The following STX18 variants were observed in gnomAD, a reference collection of about 807,000 sequenced individuals.
STX18 encodes the protein syntaxin 18.
A neutral mutation model predicts 50.1 loss-of-function variants in STX18; 40 were observed. That is an observed-to-expected ratio of 0.80 (90% CI 0.62 to 1.04). STX18 has a LOEUF of 1.04. STX18 is among the 50% of genes least tolerant of loss of function. The probability of loss-of-function intolerance (pLI) is 0.00; values close to 1 mark genes in which losing one functional copy is unlikely to be tolerated. For missense variants in STX18, 410 were observed against 415.8 expected (o/e 0.99, Z 0.12); for synonymous variants, 158 against 151.8 (o/e 1.04, Z -0.30).
chr4:4,532,953 A>G (rs1281195207), intron 1 of STX18, among the ~76,000 whole-genome samples: 1 of 152,162 alleles, frequency 6.6e-6, no homozygotes, highest in East Asian at 1.9e-4. Context: ...TCTCTTGGTT[A>G]AATACAGCTT....
At chr4:4,508,582 T>C (rs1729846714) in intron 1 of STX18, among the ~76,000 whole-genome samples, 3 of 152,238 alleles carry the variant, frequency 2.0e-5, no homozygotes, top group Admixed American at 2.0e-4. Context: ...CTGGGGTACA[T>C]GCGCAGGATG....
chr4:4,473,979 C>A (rs1728052703), intron 1 of STX18, among the ~76,000 whole-genome samples: 1 of 152,144 alleles, frequency 6.6e-6, no homozygotes, highest in African/African-American at 2.4e-5. Flanking sequence ...AGGCCCTTCA[C>A]AACTCAGCGC....
intron 1 of STX18, among the ~76,000 whole-genome samples, chr4:4,483,262 A>G (rs1308963417): frequency 1.3e-5 from 2 of 152,218 alleles, no homozygotes; most frequent in East Asian, 3.8e-4. Flanking sequence ...ATTAAAAAAA[A>G]CAAAAACCTA....
At chr4:4,432,131 A>C (rs1257481491) in intron 7 of STX18, among the ~76,000 whole-genome samples, 2 of 152,276 alleles carry the variant, frequency 1.3e-5, no homozygotes, top group Non-Finnish European at 2.9e-5. Context: ...AGCTCTGCTT[A>C]GTATTCCAAA....
At chr4:4,493,056 G>C (rs952664340) in intron 1 of STX18, among the ~76,000 whole-genome samples, 2 of 152,094 alleles carry the variant, frequency 1.3e-5, no homozygotes, top group African/African-American at 4.8e-5. Context: ...AAAAGATATT[G>C]CTGATCATGT....
At chr4:4,503,795 T>C (rs1242641714) in intron 1 of STX18, among the ~76,000 whole-genome samples, 1 of 152,194 alleles carries the variant, frequency 6.6e-6, no homozygotes, top group Non-Finnish European at 1.5e-5. Flanking sequence ...GAATGTTTTT[T>C]TCAACAAATG....
chr4:4,515,756 G>A (rs139818311), intron 1 of STX18, among the ~76,000 whole-genome samples: 1 of 151,970 alleles, frequency 6.6e-6, no homozygotes, highest in African/African-American at 2.4e-5. Context: ...TTTTTTCCTA[G>A]CACATAAAAA....
chr4:4,433,085 G>A (rs896916477), intron 7 of STX18, among the ~76,000 whole-genome samples: 1 of 152,236 alleles, frequency 6.6e-6, no homozygotes, highest in African/African-American at 2.4e-5. Context: ...GGTTGGCTCT[G>A]CTGCTCTACT....
chr4:4,541,760 C>T (rs764740916), intron 1 of STX18, 37 bp downstream of exon 1: 5 of 1,581,864 alleles, frequency 3.2e-6, no homozygotes, highest in Non-Finnish European at 4.3e-6. Flanking sequence ...AGGACTGCCC[C>T]CTCCTCAACC....
intron 1 of STX18, among the ~76,000 whole-genome samples, chr4:4,510,696 A>T (rs1729958277): frequency 6.6e-6 from 1 of 152,228 alleles, no homozygotes; most frequent in Non-Finnish European, 1.5e-5. Flanking sequence ...ATAAAGACAC[A>T]TGCACATGTA....
intron 1 of STX18, among the ~76,000 whole-genome samples, chr4:4,491,586 T>C (rs748719284): frequency 7.2e-5 from 11 of 152,100 alleles, no homozygotes; most frequent in Non-Finnish European, 1.2e-4. Flanking sequence ...TTTGGGTAAG[T>C]AAGACACTGG....
intron 1 of STX18, among the ~76,000 whole-genome samples, chr4:4,489,309 C>T (rs1347081466): frequency 6.7e-6 from 1 of 150,214 alleles, no homozygotes; most frequent in Non-Finnish European, 1.5e-5. Context: ...TTCCTTTTTC[C>T]TATAATGAGG....
chr4:4,467,772 G>A (rs1288334527), intron 2 of STX18, among the ~76,000 whole-genome samples: 1 of 152,000 alleles, frequency 6.6e-6, no homozygotes, highest in Non-Finnish European at 1.5e-5. Flanking sequence ...TAGCTAGGGA[G>A]GTAGATAGAA....
chr4:4,531,746 C>T (rs938415195), intron 1 of STX18, among the ~76,000 whole-genome samples: 3 of 152,180 alleles, frequency 2.0e-5, no homozygotes, highest in African/African-American at 7.2e-5. Flanking sequence ...CTATACTCAT[C>T]CAGAACTGGT....
intron 9 of STX18, among the ~76,000 whole-genome samples, chr4:4,422,513 G>C (rs1195508435): frequency 6.7e-6 from 1 of 149,466 alleles, no homozygotes; most frequent in African/African-American, 2.5e-5. Context: ...AGGTTGCAGT[G>C]AGCCAAGATA....
At chr4:4,534,969 ACTCTGACC>A (rs1392690000) in intron 1 of STX18, among the ~76,000 whole-genome samples, 1 of 151,996 alleles carries the variant, frequency 6.6e-6, no homozygotes, top group Admixed American at 6.6e-5. Context: ...ACCCCCTGAC[ACTCTGACC>A]CTCACCCGGG....
intron 1 of STX18, among the ~76,000 whole-genome samples, chr4:4,526,697 T>C (rs985672401): frequency 1.3e-5 from 2 of 152,104 alleles, no homozygotes; most frequent in African/African-American, 4.8e-5. Flanking sequence ...AAGCCAGGCA[T>C]GGTGGTGTAC....
intron 5 of STX18, among the ~76,000 whole-genome samples, chr4:4,449,042 CTTTT>C (rs34106688): frequency 2.3e-4 from 25 of 110,170 alleles, no homozygotes; most frequent in Admixed American, 8.5e-4. Flanking sequence ...GGACCCCATT[CTTTT>C]TTTTTTTTTT....
At chr4:4,435,275 C>A (rs1175751871) in intron 6 of STX18, among the ~76,000 whole-genome samples, 1 of 151,980 alleles carries the variant, frequency 6.6e-6, no homozygotes, top group East Asian at 1.9e-4. Flanking sequence ...AATACATATG[C>A]ATATATACAT....
Sources: gnomAD v4.1 joint callset for allele counts (sites outside exome capture counted in the v4.1 genomes callset) on GRCh38, gnomAD v4.1.1 for gene constraint, MANE v1.5 for transcripts, NCBI Gene and HGNC (gene_info 2026-07-23, HGNC 2026-07-21) for gene names.